CLEC12B: variants seen among roughly 807,000 people sequenced by gnomAD.
The protein encoded by CLEC12B is macrophage antigen h.
A neutral mutation model predicts 36.1 loss-of-function variants in CLEC12B; 25 were observed. The ratio of observed to expected loss-of-function variants is 0.69; its 90% CI spans 0.50 to 0.97. The LOEUF is 0.97. Among genes scored for constraint, CLEC12B ranks in the 50% least tolerant of loss-of-function variants. CLEC12B has a pLI of 0.00. For missense variants in CLEC12B, 325 were observed against 318.4 expected (o/e 1.02, Z -0.16); for synonymous variants, 110 against 108.5 (o/e 1.01, Z -0.09).
At chr12:10,017,355 G>A in intron 5 of CLEC12B, 1 of 985,304 alleles carries the variant, frequency 1.0e-6, no homozygotes, top group Non-Finnish European at 1.2e-6. Flanking sequence ...CTAGACTGAG[G>A]GTTTCCAGGA....
intron 5 of CLEC12B, chr12:10,018,004 A>G: frequency 1.1e-6 from 1 of 909,894 alleles, no homozygotes; most frequent in Non-Finnish European, 1.3e-6. Flanking sequence ...AACTTCAAGT[A>G]CTTCTAATAT....
chr12:10,012,724 A>T, intron 1 of CLEC12B, 61 bp from the exon 2 acceptor site: 3 of 1,362,814 alleles, frequency 2.2e-6, no homozygotes, highest in Non-Finnish European at 3.1e-6. Context: ...AAATAAACAA[A>T]CCAAAGTGAA....
chr12:10,014,549 T>C lies in CLEC12B; in HGVS notation c.217T>C (p.Ser73Pro), dbSNP rs770801739. ...MFLQISNDIN[S>P]DSEKLSQLQK... ...TTTGCAGATATCTAATGACATTAAC[T>C]CAGATTCAGAGAAATTGAGTCAACT... Residue 73 changes from serine (S) to proline (P), a missense_variant, in exon 3 of 6, where the codon TCA (serine) becomes CCA (proline). Physicochemically the swap from Ser to Pro is moderately conservative, Grantham distance 74. Transcript: ENST00000338896. 2 of 1,613,502 alleles carry C rather than the reference T, an allele frequency of 1.2e-6. No individual in the cohort carries two copies. Among genetic ancestry groups the C allele is most frequent in the Non-Finnish European group, 1.7e-6 (2 of 1,179,672 alleles).
rs1043990828 is a variant in CLEC12B at position 10,015,183 on chromosome 12, T to G, written c.410-69T>G. On this transcript the variant is annotated intron_variant, in intron 3 of 5. Coordinates refer to ENST00000338896, the MANE Select transcript of CLEC12B (RefSeq NM_001129998.3). ...TCCCTATTGTTCAATTACATGATTT[T>G]GTTTCAAAGCCTTCTCCAGTCACTC... 5.4e-6 allele frequency: 7 copies of G among 1,289,250 alleles called. No individual in the cohort carries two copies. The Admixed American group carries it at 1.1e-4, about 19-fold the overall frequency. 79.9% of individuals were successfully genotyped at this position (1,289,250 alleles called of 1,614,324 possible). A position where few individuals can be genotyped will look rare whatever the true frequency, so the allele number is the denominator to read the frequency against.
chr12:10,011,001 A>G, intron 1 of CLEC12B, 151 bp downstream of exon 1: 1 of 548,906 alleles, frequency 1.8e-6, no homozygotes, highest in Non-Finnish European at 3.3e-6. Flanking sequence ...TAGAAAAGTG[A>G]GTGTTCCCAA....
Position 10,012,838 on chromosome 12 carries a change from CTT to C in CLEC12B, c.147_148del (p.Cys50ProfsTer19). The C allele has an allele frequency of 6.2e-7, 1 of 1,613,874 alleles. No individual in the cohort carries two copies. The highest frequency in any genetic ancestry group is 1.3e-5 in the African/African-American group (1 of 75,030). Reference sequence around the variant, plus strand: ...TCATGCTGCTCTGGGTCTGGTAACTCTTTGCCTGATGTTGCTGATTGGGCTGG... The same window carrying C: ...TCATGCTGCTCTGGGTCTGGTAACTCTGCCTGATGTTGCTGATTGGGCTGG... Reference protein sequence around the residue: ...WRHAALGLVTLCLMLLIGLVT... With the variant: ...WRHAALGLVTXCLMLLIGLVT... On this transcript the variant is annotated frameshift_variant, in exon 2 of 6. Coordinates refer to ENST00000338896, the MANE Select transcript of CLEC12B (RefSeq NM_001129998.3). LOFTEE classifies it high-confidence loss of function.
intron 5 of CLEC12B, chr12:10,016,904 T>C (rs1042989907): frequency 1.2e-6 from 1 of 810,480 alleles, no homozygotes; most frequent in Non-Finnish European, 1.5e-6. Context: ...GTATTCATAA[T>C]GGCTTTTTAT....
intron 5 of CLEC12B, 71 bp from the exon 6 acceptor site, chr12:10,018,260 C>A: frequency 1.1e-6 from 1 of 913,116 alleles, no homozygotes; most frequent in South Asian, 2.0e-5. Flanking sequence ...GCTGTAAGAG[C>A]AACTGAGGGC....
intron 5 of CLEC12B, chr12:10,017,391 C>T (rs1865512947): frequency 3.0e-6 from 3 of 985,250 alleles, no homozygotes; most frequent in South Asian, 4.7e-5. Context: ...CATGTAAACA[C>T]ATTCAGTTTT....
chr12:10,017,412 T>C (rs1319537186), intron 5 of CLEC12B: 1 of 985,272 alleles, frequency 1.0e-6, no homozygotes, highest in Non-Finnish European at 1.2e-6. Context: ...CATGTTGGAA[T>C]CTAAGATGTG....
At chr12:10,006,456 A>G (rs189959100), upstream of CLEC12B, among the ~76,000 whole-genome samples, 508 of 140,840 alleles carry the variant, frequency 3.6e-3, 3 homozygotes, top group African/African-American at 0.013. Context: ...TTCCAGGATA[A>G]GTTTTTTGTT....
At position 10,018,465 on chromosome 12, in the gene CLEC12B, CT is replaced by C. The variant is rs1023062352; in HGVS notation, c.816del (p.Glu273ArgfsTer23). On this transcript the variant is annotated frameshift_variant, in exon 6 of 6. Transcript: ENST00000338896. LOFTEE classifies it high-confidence loss of function. ...ICEKTAAPVK[T>X]EDLD is the part of the protein sequence containing the mutation. ...GAGAAGACAGCTGCCCCAGTGAAGA[CT>C]GAGGATTTGGATTAGTATGCTTCTT... 1 of 1,550,616 alleles carries C rather than the reference CT, an allele frequency of 6.4e-7. No homozygotes were observed. The highest frequency in any genetic ancestry group is 8.7e-7 in the Non-Finnish European group (1 of 1,146,592).
At chr12:10,010,614 C>A, upstream of CLEC12B, 2 of 536,324 alleles carry the variant, frequency 3.7e-6, no homozygotes. Flanking sequence ...AATTGTCATT[C>A]TTCTCTTACA....
At chr12:10,008,623 T>C (rs533092809), upstream of CLEC12B, among the ~76,000 whole-genome samples, 8 of 152,306 alleles carry the variant, frequency 5.3e-5, no homozygotes, top group Middle Eastern at 3.4e-3. Flanking sequence ...GAAAAGTATA[T>C]AAAGAAATGT....
upstream of CLEC12B, chr12:10,010,601 A>G: frequency 1.9e-6 from 1 of 525,958 alleles, no homozygotes. Flanking sequence ...CTGTAGAGAA[A>G]CAAATTGTCA....
intron 5 of CLEC12B, chr12:10,017,800 G>A (rs567503179): frequency 3.3e-6 from 3 of 904,326 alleles, no homozygotes; most frequent in Admixed American, 6.2e-5. Context: ...TCTTAGCAGA[G>A]GAAATGAATA....
chr12:10,014,377 C>T (rs2137270664), intron 2 of CLEC12B, 146 bp from the exon 3 acceptor site: 2 of 540,202 alleles, frequency 3.7e-6, no homozygotes, highest in Non-Finnish European at 6.6e-6. Flanking sequence ...AATAGAAAGG[C>T]ATCTGGTTTG....
upstream of CLEC12B, among the ~76,000 whole-genome samples, chr12:10,006,506 A>G (rs954946791): frequency 4.0e-5 from 6 of 151,836 alleles, no homozygotes; most frequent in Non-Finnish European, 7.4e-5. Flanking sequence ...CTAGGACACA[A>G]CAACATCTTA....
At chr12:10,006,986 C>T (rs1240167755), upstream of CLEC12B, among the ~76,000 whole-genome samples, 2 of 151,472 alleles carry the variant, frequency 1.3e-5, no homozygotes, top group Non-Finnish European at 2.9e-5. Context: ...ACCTGGGAGG[C>T]GGAGCTTGCA....
Sources: gnomAD v4.1 joint callset for allele counts (sites outside exome capture counted in the v4.1 genomes callset) on GRCh38, gnomAD v4.1.1 for gene constraint, MANE v1.5 for transcripts, NCBI Gene and HGNC (gene_info 2026-07-23, HGNC 2026-07-21) for gene names.